The following C4orf33 variants were observed in gnomAD, a reference collection of about 807,000 sequenced individuals.
The protein encoded by C4orf33 is chromosome 4 open reading frame 33, also known as UPF0462 protein C4orf33.
In C4orf33, 20 loss-of-function variants were observed where a neutral mutation model predicts 24.3. The observed-to-expected ratio is 0.82, with a 90% CI of 0.58 to 1.19. The LOEUF (loss-of-function observed/expected upper bound fraction) is 1.19, where lower values mean the gene tolerates loss of function less well. C4orf33 is among the 50% of genes most tolerant of loss of function. C4orf33 has a pLI of 0.00. For synonymous variants in C4orf33, 67 were observed against 76.4 expected (o/e 0.88, Z 0.64); for missense variants, 207 against 225.9 (o/e 0.92, Z 0.54).
intron 3 of C4orf33, among the ~76,000 whole-genome samples, chr4:129,109,105 G>A (rs540530715): frequency 2.0e-5 from 3 of 152,158 alleles, no homozygotes; most frequent in Admixed American, 2.0e-4. Context: ...TGGCCAGGAT[G>A]GTCTTGATCT....
intron 5 of C4orf33, chr4:129,109,926 A>T: frequency 8.3e-7 from 1 of 1,199,786 alleles, no homozygotes; most frequent in Non-Finnish European, 1.1e-6. Flanking sequence ...TGCATGTGAG[A>T]AAAGTAAATG....
At position 129,111,873 on chromosome 4, in the gene C4orf33, G is replaced by A. The variant is rs925766218; in HGVS notation, c.*82G>A. The A allele has an allele frequency of 1.1e-4, 74 of 692,582 alleles. No homozygotes were observed. The South Asian group carries it at 1.6e-3, about 15-fold the overall frequency. The allele number at this position is 692,582 out of a possible 1,614,324, so 42.9% of individuals were successfully genotyped here. On this transcript the variant is annotated 3_prime_UTR_variant, in exon 6 of 6. Transcript: ENST00000425929. The stretch of plus-strand genomic sequence containing the variant: ...AAAATAAATATCAATTTTTTAAGAT[G>A]TCATGCATACATTTCAACAACAAAT...
chr4:129,095,707 A>G (rs1221798072), upstream of C4orf33, among the ~76,000 whole-genome samples: 3 of 152,234 alleles, frequency 2.0e-5, no homozygotes, highest in Non-Finnish European at 4.4e-5. Context: ...GGATCAGAAC[A>G]GATCACACAG....
intron 1 of C4orf33, among the ~76,000 whole-genome samples, chr4:129,101,128 G>C (rs1353340949): frequency 6.6e-6 from 1 of 152,026 alleles, no homozygotes; most frequent in Admixed American, 6.5e-5. Flanking sequence ...TACCAGAATT[G>C]TTTAATTTTA....
upstream of C4orf33, among the ~76,000 whole-genome samples, chr4:129,094,748 T>C (rs1314690362): frequency 6.6e-6 from 1 of 152,162 alleles, no homozygotes; most frequent in Non-Finnish European, 1.5e-5. Context: ...TTAGTAGCTA[T>C]AACGTTTACA....
chr4:129,115,113 A>G lies in C4orf33; in HGVS notation c.*3322A>G, dbSNP rs1468127847. ...AACTATCAATTATAGACTTGAAATC[A>G]GTTACAGGAGCCACATAACTTGTTC... is the stretch of plus-strand genomic sequence containing the variant. On this transcript the variant is annotated 3_prime_UTR_variant, in exon 6 of 6. Coordinates refer to ENST00000425929, the MANE Select transcript of C4orf33 (RefSeq NM_001099783.2). 1.3e-5 allele frequency: 2 copies of G among 152,242 alleles called. No individual in the cohort carries two copies. The highest frequency in any genetic ancestry group is 2.4e-5 in the African/African-American group (1 of 41,460). 9.4% of individuals were successfully genotyped at this position (152,242 alleles called of 1,614,324 possible). A position where few individuals can be genotyped will look rare whatever the true frequency, so the allele number is the denominator to read the frequency against.
intron 2 of C4orf33, among the ~76,000 whole-genome samples, chr4:129,104,474 T>C (rs907097973): frequency 5.9e-5 from 9 of 152,216 alleles, no homozygotes; most frequent in African/African-American, 1.9e-4. Context: ...TCCTTCTTAA[T>C]ATGATCTCTG....
chr4:129,102,127 C>T (rs952534919), intron 1 of C4orf33: 1 of 152,006 alleles, frequency 6.6e-6, no homozygotes, highest in African/African-American at 2.4e-5. Flanking sequence ...ACTGAGACAC[C>T]TGCACACTTT....
At chr4:129,097,662 T>A (rs1278518273) in intron 1 of C4orf33, among the ~76,000 whole-genome samples, 1 of 152,250 alleles carries the variant, frequency 6.6e-6, no homozygotes, top group Non-Finnish European at 1.5e-5. Context: ...TTATGTCATT[T>A]TGAATATGTG....
At position 129,106,694 on chromosome 4, in the gene C4orf33, G is replaced by A. The variant is rs192844603; in HGVS notation, c.242+47G>A. 291 of 998,426 alleles carry A rather than the reference G, an allele frequency of 2.9e-4. 1 individual carries two copies. In the East Asian group the frequency reaches 5.5e-3, roughly 19 times the overall value. 61.8% of individuals were successfully genotyped at this position (998,426 alleles called of 1,614,324 possible). A position where few individuals can be genotyped will look rare whatever the true frequency, so the allele number is the denominator to read the frequency against. On this transcript the variant is annotated intron_variant, in intron 3 of 5. Coordinates refer to ENST00000425929, the MANE Select transcript of C4orf33 (RefSeq NM_001099783.2). Reference sequence around the variant, plus strand: ...TTACTTATTACTACATAATTTGAACGTGTTATTTTCTAGTTATAAATGATA... The same window carrying A: ...TTACTTATTACTACATAATTTGAACATGTTATTTTCTAGTTATAAATGATA...
At chr4:129,098,679 G>C (rs1411068775) in intron 1 of C4orf33, among the ~76,000 whole-genome samples, 1 of 152,214 alleles carries the variant, frequency 6.6e-6, no homozygotes, top group Non-Finnish European at 1.5e-5. Context: ...TCCATAGACA[G>C]AGTAGGAGCA....
At chr4:129,107,417 C>A (rs1214315886) in intron 3 of C4orf33, among the ~76,000 whole-genome samples, 1 of 151,762 alleles carries the variant, frequency 6.6e-6, no homozygotes, top group Non-Finnish European at 1.5e-5. Flanking sequence ...TGCAGTTATT[C>A]ATTTGAAATG....
intron 1 of C4orf33, among the ~76,000 whole-genome samples, chr4:129,096,784 G>T (rs1362515453): frequency 6.6e-6 from 1 of 152,134 alleles, no homozygotes; most frequent in Non-Finnish European, 1.5e-5. Context: ...AAATTGCATT[G>T]CAGGACAGTA....
chr4:129,100,103 A>G (rs1164732667), intron 1 of C4orf33, among the ~76,000 whole-genome samples: 2 of 151,914 alleles, frequency 1.3e-5, no homozygotes, highest in Admixed American at 6.6e-5. Context: ...CTTAGGGGGG[A>G]AAAGCAGAAG....
chr4:129,102,033 G>T (rs1195898716), intron 1 of C4orf33: 1 of 148,708 alleles, frequency 6.7e-6, no homozygotes, highest in Non-Finnish European at 1.5e-5. Context: ...GGTGTTAACA[G>T]CACTTCTTCT....
intron 2 of C4orf33, 128 bp from the exon 3 acceptor site, chr4:129,106,459 T>C (rs1753520137): frequency 2.0e-6 from 1 of 502,796 alleles, no homozygotes; most frequent in South Asian, 3.2e-5. Flanking sequence ...TTCTTTGCTC[T>C]TTTTCCTATT....
At chr4:129,102,335 T>C (rs2125800554) in intron 1 of C4orf33, 2 of 271,916 alleles carry the variant, frequency 7.4e-6, no homozygotes, top group African/African-American at 4.4e-5. Flanking sequence ...AGTGTTTCTA[T>C]GGCAGCAATT....
At chr4:129,103,291 T>G (rs542151523) in intron 2 of C4orf33, among the ~76,000 whole-genome samples, 1 of 152,138 alleles carries the variant, frequency 6.6e-6, no homozygotes, top group South Asian at 2.1e-4. Flanking sequence ...AGTGCTGGGA[T>G]TACAGGCGTG....
chr4:129,109,158 G>A, intron 3 of C4orf33, 149 bp from the exon 4 acceptor site: 1 of 834,358 alleles, frequency 1.2e-6, no homozygotes, highest in Admixed American at 2.0e-5. Context: ...CAAAGTGCTG[G>A]GTTACAGGCG....
Sources: gnomAD v4.1 joint callset for allele counts (sites outside exome capture counted in the v4.1 genomes callset) on GRCh38, gnomAD v4.1.1 for gene constraint, MANE v1.5 for transcripts, NCBI Gene and HGNC (gene_info 2026-07-23, HGNC 2026-07-21) for gene names.